The following SPOCK1 variants were observed in gnomAD, a reference collection of about 807,000 sequenced individuals.
SPOCK1 encodes SPARC (osteonectin), cwcv and kazal like domains proteoglycan 1, also known as testican-1.
A neutral mutation model predicts 55.3 loss-of-function variants in SPOCK1; 23 were observed. The observed-to-expected ratio is 0.42, with a 90% CI of 0.30 to 0.59. SPOCK1 has a LOEUF of 0.59. Ranked by LOEUF, SPOCK1 falls within the 20% of genes least tolerant of loss-of-function variation. SPOCK1 has a pLI of 0.22. For synonymous variants in SPOCK1, 226 were observed against 221.0 expected (o/e 1.02, Z -0.20); for missense variants, 499 against 552.5 (o/e 0.90, Z 0.97).
At chr5:137,313,086 C>T (rs1358671772) in intron 2 of SPOCK1, among the ~76,000 whole-genome samples, 1 of 152,178 alleles carries the variant, frequency 6.6e-6, no homozygotes, top group Non-Finnish European at 1.5e-5. Context: ...ATGCCACCTA[C>T]TTGGGGTAAC....
At chr5:137,202,895 C>T (rs1311478652) in intron 3 of SPOCK1, among the ~76,000 whole-genome samples, 1 of 152,196 alleles carries the variant, frequency 6.6e-6, no homozygotes, top group Non-Finnish European at 1.5e-5. Context: ...TGTGGCTGAT[C>T]TGAATATGTT....
chr5:137,369,537 G>T (rs1285657365), intron 2 of SPOCK1, among the ~76,000 whole-genome samples: 1 of 152,202 alleles, frequency 6.6e-6, no homozygotes. Flanking sequence ...ACCTGGGTGT[G>T]CCACTTACTA....
At chr5:137,300,925 T>C (rs1757577142) in intron 2 of SPOCK1, among the ~76,000 whole-genome samples, 1 of 152,118 alleles carries the variant, frequency 6.6e-6, no homozygotes, top group African/African-American at 2.4e-5. Context: ...CAAGGGTCCA[T>C]TCCCTCCCAG....
chr5:137,280,876 C>T (rs577804669), intron 2 of SPOCK1, among the ~76,000 whole-genome samples: 13 of 152,178 alleles, frequency 8.5e-5, no homozygotes, highest in Admixed American at 7.2e-4. Flanking sequence ...CTCCTCCCAG[C>T]GCTCAGAGGC....
At chr5:137,023,032 G>A (rs1488563665) in intron 6 of SPOCK1, among the ~76,000 whole-genome samples, 1 of 152,186 alleles carries the variant, frequency 6.6e-6, no homozygotes, top group Non-Finnish European at 1.5e-5. Context: ...CAGTGTAGTG[G>A]ATACAGGCAT....
At chr5:137,484,174 C>A (rs779713423) in intron 2 of SPOCK1, among the ~76,000 whole-genome samples, 1 of 152,214 alleles carries the variant, frequency 6.6e-6, no homozygotes, top group Non-Finnish European at 1.5e-5. Context: ...AGGAGCAGGG[C>A]ATCCATCAGC....
intron 3 of SPOCK1, among the ~76,000 whole-genome samples, chr5:137,185,927 T>C (rs1318539610): frequency 1.3e-5 from 2 of 152,222 alleles, no homozygotes; most frequent in African/African-American, 2.4e-5. Context: ...TGCTCCATCC[T>C]GATAAGCCAT....
intron 2 of SPOCK1, among the ~76,000 whole-genome samples, chr5:137,314,532 C>T (rs1158124728): frequency 6.6e-6 from 1 of 152,124 alleles, no homozygotes. Context: ...ATAAAACCTG[C>T]TTTGGGGATT....
chr5:137,429,108 T>C lies in SPOCK1; in HGVS notation c.186+69265A>G, dbSNP rs115599829. Among the ~76,000 whole-genome samples the C allele has an allele frequency of 7.6e-3, 1,152 of 152,370 alleles. 10 individuals carry two copies. The highest frequency in any genetic ancestry group is 0.011 in the Non-Finnish European group (722 of 68,038). Reference sequence around the variant, plus strand: ...ATGCTGTGAGGATCTGGGCCCTGCCTACTTTTCCAGCAGTCTTTGCTTTTC... The same window carrying C: ...ATGCTGTGAGGATCTGGGCCCTGCCCACTTTTCCAGCAGTCTTTGCTTTTC... On this transcript the variant is annotated intron_variant, in intron 2 of 10. Coordinates refer to ENST00000394945, the MANE Select transcript of SPOCK1 (RefSeq NM_004598.4).
In SPOCK1 at chr5:137,347,438, C is replaced by T. The variant is rs577542469; in HGVS notation, c.187-80383G>A. Among the ~76,000 whole-genome samples, 44 of 152,308 alleles carry T rather than the reference C, an allele frequency of 2.9e-4. 1 individual carries two copies. Among genetic ancestry groups the T allele is most frequent in the South Asian group, 8.3e-4 (4 of 4,822 alleles). Reference sequence around the variant, plus strand: ...TTTGTCCTTCCAGTATCAACTAAAACAGCCTCTTAGGCCGGACATGGTGGC... The same window carrying T: ...TTTGTCCTTCCAGTATCAACTAAAATAGCCTCTTAGGCCGGACATGGTGGC... On this transcript the variant is annotated intron_variant, in intron 2 of 10. Coordinates refer to ENST00000394945, the MANE Select transcript of SPOCK1 (RefSeq NM_004598.4).
At chr5:137,023,551 A>G (rs1019975118) in intron 6 of SPOCK1, among the ~76,000 whole-genome samples, 1 of 152,196 alleles carries the variant, frequency 6.6e-6, no homozygotes, top group Non-Finnish European at 1.5e-5. Flanking sequence ...CTCCGAGAAA[A>G]GTGACATGAA....
intron 2 of SPOCK1, among the ~76,000 whole-genome samples, chr5:137,270,740 C>T (rs1756945574): frequency 6.6e-6 from 1 of 152,180 alleles, no homozygotes; most frequent in Non-Finnish European, 1.5e-5. Flanking sequence ...CAGTGGCTCA[C>T]ACCTGTAATC....
chr5:137,215,973 G>T (rs1470408599), intron 3 of SPOCK1, among the ~76,000 whole-genome samples: 1 of 152,166 alleles, frequency 6.6e-6, no homozygotes, highest in Non-Finnish European at 1.5e-5. Context: ...GTTCAATCCA[G>T]GTTCAAAGTC....
intron 2 of SPOCK1, among the ~76,000 whole-genome samples, chr5:137,349,986 A>G (rs1270943984): frequency 6.6e-6 from 1 of 152,156 alleles, no homozygotes; most frequent in Non-Finnish European, 1.5e-5. Context: ...GGGGATGTTA[A>G]GCCCCATTCT....
Position 137,131,845 on chromosome 5 carries a change from G to A in SPOCK1, c.347+8735C>T, listed in dbSNP as rs1489342354. Among the ~76,000 whole-genome samples the A allele has an allele frequency of 5.4e-5, 8 of 148,178 alleles. 1 individual carries two copies. The highest frequency in any genetic ancestry group is 1.2e-4 in the Non-Finnish European group (8 of 67,094). ...AAATTAGCCGGGTGTAGGGGCGGGCGCCTGTAGTCCCAGCTACTCGGGAGG... is the reference window on the plus strand; with the variant it reads ...AAATTAGCCGGGTGTAGGGGCGGGCACCTGTAGTCCCAGCTACTCGGGAGG... On this transcript the variant is annotated intron_variant, in intron 4 of 10. Transcript: ENST00000394945.
At chr5:137,363,283 A>G (rs1225146685) in intron 2 of SPOCK1, among the ~76,000 whole-genome samples, 1 of 152,252 alleles carries the variant, frequency 6.6e-6, no homozygotes, top group Non-Finnish European at 1.5e-5. Flanking sequence ...ACAGACATGC[A>G]TTAAATGCAC....
chr5:137,489,063 C>T (rs1754121027), intron 2 of SPOCK1, among the ~76,000 whole-genome samples: 1 of 152,202 alleles, frequency 6.6e-6, no homozygotes, highest in Non-Finnish European at 1.5e-5. Flanking sequence ...CAATAATTCA[C>T]ATCACCAGTC....
intron 5 of SPOCK1, among the ~76,000 whole-genome samples, chr5:137,109,765 T>C (rs1364946492): frequency 6.6e-6 from 1 of 152,138 alleles, no homozygotes; most frequent in African/African-American, 2.4e-5. Context: ...AACATTCTAC[T>C]CCTCCACTCT....
intron 3 of SPOCK1, among the ~76,000 whole-genome samples, chr5:137,210,039 T>G (rs1415595338): frequency 1.3e-5 from 2 of 152,222 alleles, no homozygotes; most frequent in Non-Finnish European, 2.9e-5. Flanking sequence ...TGGGACCAAA[T>G]GTAAGATCCA....
Sources: gnomAD v4.1 joint callset for allele counts (sites outside exome capture counted in the v4.1 genomes callset) on GRCh38, gnomAD v4.1.1 for gene constraint, MANE v1.5 for transcripts, NCBI Gene and HGNC (gene_info 2026-07-23, HGNC 2026-07-21) for gene names.